HPCAL1: variants seen among roughly 807,000 people sequenced by gnomAD.
HPCAL1 encodes hippocalcin-like protein 1.
A neutral mutation model predicts 17.1 loss-of-function variants in HPCAL1; 8 were observed. The observed-to-expected ratio is 0.47, with a 90% CI of 0.27 to 0.84. HPCAL1 has a LOEUF of 0.84. Among genes scored for constraint, HPCAL1 ranks in the 40% least tolerant of loss-of-function variants. The pLI is 0.13. For synonymous variants in HPCAL1, 112 were observed against 111.4 expected (o/e 1.01, Z -0.03); for missense variants, 165 against 271.1 (o/e 0.61, Z 2.75).
In HPCAL1 at chr2:10,396,888, ACC is replaced by A. The variant is rs1416722948; in HGVS notation, c.-55_-54del. ...GCGGAAACACTCCCTGGAGGTTCTG[ACC>A]CACTCCCTCTCAGCCTCCGCCTGGT... On this transcript the variant is annotated 5_prime_UTR_variant, in exon 2 of 5. Transcript: ENST00000307845. 2.6e-5 allele frequency: 4 copies of A among 152,152 alleles called. No individual in the cohort carries two copies. The highest frequency in any genetic ancestry group is 9.7e-5 in the African/African-American group (4 of 41,384). The allele number at this position is 152,152 out of a possible 1,614,324, so 9.4% of individuals were successfully genotyped here.
intron 1 of HPCAL1, among the ~76,000 whole-genome samples, chr2:10,345,019 G>A (rs1485055408): frequency 6.7e-6 from 1 of 149,166 alleles, no homozygotes; most frequent in East Asian, 2.0e-4. Flanking sequence ...GTCTCTTTCT[G>A]CCTCTCTCTA....
chr2:10,320,665 G>A (rs1663619563), intron 1 of HPCAL1, among the ~76,000 whole-genome samples: 2 of 152,352 alleles, frequency 1.3e-5, no homozygotes, highest in Non-Finnish European at 1.5e-5. Context: ...ACCGGGCCTG[G>A]AGAGAGAATC....
intron 2 of HPCAL1, among the ~76,000 whole-genome samples, chr2:10,417,351 G>A (rs1474999004): frequency 6.6e-6 from 1 of 150,528 alleles, no homozygotes; most frequent in African/African-American, 2.5e-5. Flanking sequence ...TGACAAGAGC[G>A]AAACTCCCTC....
chr2:10,304,463 C>G lies in HPCAL1; in HGVS notation c.-111+1286C>G, dbSNP rs144354708. Reference sequence around the variant, plus strand: ...TTGCCAGGGACGCCGAGTCCAGCTGCTGGCCTCGGCATTAGACAACCCCCA... The same window carrying G: ...TTGCCAGGGACGCCGAGTCCAGCTGGTGGCCTCGGCATTAGACAACCCCCA... On this transcript the variant is annotated intron_variant, in intron 1 of 4. Coordinates refer to ENST00000307845, the MANE Select transcript of HPCAL1 (RefSeq NM_002149.4). The surrounding 1 kb of genome is among the most constrained non-coding windows in gnomAD (Gnocchi z 4.1). Among the ~76,000 whole-genome samples, 1 of 151,864 alleles carries G rather than the reference C, an allele frequency of 6.6e-6. No homozygotes were observed. Among genetic ancestry groups the G allele is most frequent in the Non-Finnish European group, 1.5e-5 (1 of 67,960 alleles).
In HPCAL1 at chr2:10,420,115, G is replaced by T; in HGVS notation, c.358G>T (p.Glu120Ter). 1 of 1,611,010 alleles carries T rather than the reference G, an allele frequency of 6.2e-7. No individual in the cohort carries two copies. The highest frequency in any genetic ancestry group is 8.5e-7 in the Non-Finnish European group (1 of 1,178,176). Reference sequence around the variant, plus strand: ...CGGCAACGGCTACATCAGCCGCAGCGAGATGCTGGAGATCGTGCAGGTACC... The same window carrying T: ...CGGCAACGGCTACATCAGCCGCAGCTAGATGCTGGAGATCGTGCAGGTACC... ...LDGNGYISRS[E>*]MLEIVQAIYK... Residue 120 changes from glutamate to a stop codon, truncating the protein, a stop_gained, in exon 3 of 5, where the codon GAG becomes TAG. Coordinates refer to ENST00000307845, the MANE Select transcript of HPCAL1 (RefSeq NM_002149.4). LOFTEE classifies it high-confidence loss of function.
intron 1 of HPCAL1, among the ~76,000 whole-genome samples, chr2:10,353,004 C>T (rs1665922945): frequency 1.3e-5 from 2 of 152,178 alleles, no homozygotes; most frequent in Non-Finnish European, 2.9e-5. Flanking sequence ...GCTTTGTCAG[C>T]TCTGTAGAGA....
intron 1 of HPCAL1, among the ~76,000 whole-genome samples, chr2:10,348,298 A>T (rs1053301935): frequency 2.6e-5 from 4 of 152,028 alleles, no homozygotes; most frequent in African/African-American, 9.7e-5. Flanking sequence ...AAAATACAAA[A>T]ATTAGCTGGG....
At position 10,311,157 on chromosome 2, in the gene HPCAL1, C is replaced by T. The variant is rs182583595; in HGVS notation, c.-111+7980C>T. 3.9e-5 allele frequency among the ~76,000 whole-genome samples: 6 copies of T among 152,260 alleles called. No homozygotes were observed. In the East Asian group the frequency reaches 1.2e-3, roughly 29 times the overall value. On this transcript the variant is annotated intron_variant, in intron 1 of 4. Coordinates refer to ENST00000307845, the MANE Select transcript of HPCAL1 (RefSeq NM_002149.4). ...GGCCATGGGTGGCAGAACTGGTTGT[C>T]CCCCCGCCCCCCAATCCCTCAGCAG...
At chr2:10,315,286 CCG>C (rs1663244859) in intron 1 of HPCAL1, among the ~76,000 whole-genome samples, 1 of 125,210 alleles carries the variant, frequency 8.0e-6, no homozygotes, top group Non-Finnish European at 1.7e-5. Context: ...GAGCGAGACT[CCG>C]TCTCAAAAAA....
At chr2:10,374,531 C>G (rs1442166499) in intron 1 of HPCAL1, among the ~76,000 whole-genome samples, 1 of 152,220 alleles carries the variant, frequency 6.6e-6, no homozygotes, top group Non-Finnish European at 1.5e-5. Context: ...GCTGACGGTC[C>G]AGCAGGAGGC....
intron 1 of HPCAL1, among the ~76,000 whole-genome samples, chr2:10,358,447 A>G (rs1350315843): frequency 2.0e-5 from 3 of 152,170 alleles, no homozygotes. Flanking sequence ...GTGAGGACAG[A>G]CACTCCTGCC....
Position 10,395,288 on chromosome 2 carries a change from A to C in HPCAL1, c.-110-1547A>C, listed in dbSNP as rs1214471274. On this transcript the variant is annotated intron_variant, in intron 1 of 4. Coordinates refer to ENST00000307845, the MANE Select transcript of HPCAL1 (RefSeq NM_002149.4). The surrounding 1 kb of genome is among the most constrained non-coding windows in gnomAD (Gnocchi z 4.4). ...TGGCCTACAAAATTCTATATTTGGG[A>C]AACAGTAGAAATTTAACTCTGAGCA... is the stretch of plus-strand genomic sequence containing the variant. 1.3e-5 allele frequency among the ~76,000 whole-genome samples: 2 copies of C among 152,178 alleles called. No homozygotes were observed. The highest frequency in any genetic ancestry group is 2.9e-5 in the Non-Finnish European group (2 of 68,026).
intron 1 of HPCAL1, among the ~76,000 whole-genome samples, chr2:10,346,450 C>G (rs1665456805): frequency 6.6e-6 from 1 of 152,120 alleles, no homozygotes; most frequent in Non-Finnish European, 1.5e-5. Flanking sequence ...TCTGCCTGGC[C>G]CCAGTCCCCT....
chr2:10,391,054 A>C (rs1289186679), intron 1 of HPCAL1, among the ~76,000 whole-genome samples: 1 of 152,218 alleles, frequency 6.6e-6, no homozygotes, highest in Non-Finnish European at 1.5e-5. Context: ...ACTAATCTGC[A>C]TGCACCCCAC....
intron 1 of HPCAL1, among the ~76,000 whole-genome samples, chr2:10,350,254 CA>C (rs1262649974): frequency 6.6e-6 from 1 of 151,938 alleles, no homozygotes; most frequent in Admixed American, 6.6e-5. Context: ...CCCCATAGTC[CA>C]GGGGCAATTA....
chr2:10,420,815 C>T (rs1214560734), intron 3 of HPCAL1, among the ~76,000 whole-genome samples: 1 of 152,136 alleles, frequency 6.6e-6, no homozygotes, highest in South Asian at 2.1e-4. Context: ...GGCTGGAGTG[C>T]AGTGGCATGA....
chr2:10,394,533 G>A lies in HPCAL1; in HGVS notation c.-110-2302G>A, dbSNP rs114655361. Reference sequence around the variant, plus strand: ...AGAGGGGCTTTAGGGCAGCGAGCCCGCGCTATGTGATGCTGTAATGGTGGG... The same window carrying A: ...AGAGGGGCTTTAGGGCAGCGAGCCCACGCTATGTGATGCTGTAATGGTGGG... On this transcript the variant is annotated intron_variant, in intron 1 of 4. Transcript: ENST00000307845. This position sits in a 1 kb window ranked among gnomAD's most constrained non-coding sequence, Gnocchi z 5.0. Among the ~76,000 whole-genome samples the A allele has an allele frequency of 3.4e-3, 514 of 152,350 alleles. 4 individuals carry two copies. Among genetic ancestry groups the A allele is most frequent in the African/African-American group, 0.011 (478 of 41,594 alleles).
chr2:10,383,046 C>T (rs1668067277), intron 1 of HPCAL1, among the ~76,000 whole-genome samples: 1 of 152,186 alleles, frequency 6.6e-6, no homozygotes, highest in Non-Finnish European at 1.5e-5. Flanking sequence ...GTTTAATCTG[C>T]AACCCCTTAC....
intron 1 of HPCAL1, among the ~76,000 whole-genome samples, chr2:10,375,416 G>A (rs1175149788): frequency 2.0e-5 from 3 of 152,176 alleles, no homozygotes; most frequent in Non-Finnish European, 4.4e-5. Context: ...CCTCAGCTGC[G>A]GAGCAACAGC....
Sources: allele counts gnomAD v4.1 joint callset (sites outside exome capture counted in the v4.1 genomes callset), GRCh38; gene constraint gnomAD v4.1.1; non-coding constraint Gnocchi (gnomAD v3.1); transcripts MANE v1.5; gene names NCBI Gene and HGNC (gene_info 2026-07-23, HGNC 2026-07-21).